PHACTR1: variants seen among roughly 807,000 people sequenced by gnomAD.
PHACTR1 encodes RPEL repeat containing 1.
A neutral mutation model predicts 69.2 loss-of-function variants in PHACTR1; 16 were observed. That is an observed-to-expected ratio of 0.23 (90% CI 0.16 to 0.35). The LOEUF (loss-of-function observed/expected upper bound fraction) is 0.35. Ranked by LOEUF, PHACTR1 falls within the 10% of genes least tolerant of loss-of-function variation. The pLI is 1.00. For synonymous variants in PHACTR1, 312 were observed against 284.5 expected, an observed-to-expected ratio of 1.10 and a Z score of -0.97; for missense variants, 510 against 734.7, an observed-to-expected ratio of 0.69 and a Z score of 3.54.
chr6:13,230,101 C>T lies in PHACTR1; in HGVS notation c.1299C>T (p.Ser433=), dbSNP rs746452662. 3.7e-6 allele frequency: 6 copies of T among 1,611,342 alleles called. No homozygotes were observed. The highest frequency in any genetic ancestry group is 5.1e-6 in the Non-Finnish European group (6 of 1,178,872). Residue 433 remains serine, a synonymous_variant, in exon 10 of 15, where the codon TCC becomes TCT. Transcript: ENST00000332995. Reference sequence around the variant, plus strand: ...CCATCAAACTCAGCAACAGGCCCTCCAAGCGAGAGCTGGAAGAAAAGAACA... The same window carrying T: ...CCATCAAACTCAGCAACAGGCCCTCTAAGCGAGAGCTGGAAGAAAAGAACA... ...SLAIKLSNRP[S]KRELEEKNIL...
At chr6:13,084,927 A>G (rs1418885643) in intron 5 of PHACTR1, among the ~76,000 whole-genome samples, 1 of 152,142 alleles carries the variant, frequency 6.6e-6, no homozygotes. Flanking sequence ...TTATCATTCT[A>G]ATAGAAAGTA....
intron 4 of PHACTR1, among the ~76,000 whole-genome samples, chr6:13,039,018 T>C (rs1208662290): frequency 6.6e-6 from 1 of 152,198 alleles, no homozygotes; most frequent in African/African-American, 2.4e-5. Flanking sequence ...ATCTCATTGG[T>C]AAAAGCTATA....
rs769036987 is a variant in PHACTR1, at chr6:13,278,255, A to T, written c.1448-13A>T. The T allele has an allele frequency of 1.9e-6, 3 of 1,572,482 alleles. No homozygotes were observed. The Admixed American group carries it at 5.6e-5, about 29-fold the overall frequency. ...TTACTGAAATAAAAAAACATCTTAA[A>T]TATTTTTTTTAGCTCGGAATGAACA... On this transcript the variant is annotated splice_polypyrimidine_tract_variant and intron_variant, in intron 11 of 14. Coordinates refer to ENST00000332995, the MANE Select transcript of PHACTR1 (RefSeq NM_030948.6).
intron 10 of PHACTR1, among the ~76,000 whole-genome samples, chr6:13,232,704 G>C (rs975309658): frequency 1.3e-5 from 2 of 151,960 alleles, no homozygotes; most frequent in Non-Finnish European, 2.9e-5. Context: ...AATGATCCTG[G>C]CTTCCCCAAT....
chr6:12,970,338 A>AT (rs1028710362), intron 4 of PHACTR1, among the ~76,000 whole-genome samples: 1 of 152,240 alleles, frequency 6.6e-6, no homozygotes, highest in African/African-American at 2.4e-5. Flanking sequence ...ATAGAAAAGA[A>AT]TGTGTCCCTG....
chr6:13,067,123 A>G (rs1808768712), intron 5 of PHACTR1, among the ~76,000 whole-genome samples: 1 of 152,214 alleles, frequency 6.6e-6, no homozygotes, highest in Admixed American at 6.5e-5. Flanking sequence ...TGACAACAGC[A>G]GGAGCAATCT....
chr6:12,726,569 C>T (rs572735221), intron 3 of PHACTR1, among the ~76,000 whole-genome samples: 1 of 152,336 alleles, frequency 6.6e-6, no homozygotes, highest in Non-Finnish European at 1.5e-5. Context: ...TGGAAACACA[C>T]ACGTTGAGAA....
At chr6:13,200,129 T>C (rs1462409350) in intron 7 of PHACTR1, among the ~76,000 whole-genome samples, 1 of 152,232 alleles carries the variant, frequency 6.6e-6, no homozygotes, top group African/African-American at 2.4e-5. Flanking sequence ...GCAGTATCCC[T>C]GCCTCAGGCA....
chr6:13,229,805 A>G (rs1770516581), intron 9 of PHACTR1, among the ~76,000 whole-genome samples: 2 of 152,172 alleles, frequency 1.3e-5, no homozygotes, highest in Non-Finnish European at 2.9e-5. Flanking sequence ...ACATTCCTGG[A>G]GAGCAGAGAC....
rs1329471968 is a variant in PHACTR1, at chr6:13,206,003, C to T, written c.853C>T (p.His285Tyr). ...HHTVLPSQIQ[H>Y]QLQYGSHGQH... ...CACTGTCCTGCCCTCCCAGATCCAG[C>T]ACCAGCTGCAGTACGGCAGCCACGG... The change falls in exon 8 of 15, where the codon CAC becomes TAC. Residue 285 changes from histidine to tyrosine, a missense_variant. By Grantham distance (83) the His-to-Tyr change is moderately conservative. This residue lies in a region of PHACTR1 where 419 missense variants were observed against 530.9 expected (regional missense o/e 0.79). Coordinates refer to ENST00000332995, the MANE Select transcript of PHACTR1 (RefSeq NM_030948.6). 1.2e-6 allele frequency: 2 copies of T among 1,614,024 alleles called. No individual in the cohort carries two copies. The highest frequency in any genetic ancestry group is 2.2e-5 in the South Asian group (2 of 91,088).
chr6:12,966,607 T>C (rs1793532206), intron 4 of PHACTR1, among the ~76,000 whole-genome samples: 1 of 152,264 alleles, frequency 6.6e-6, no homozygotes, highest in Non-Finnish European at 1.5e-5. Flanking sequence ...TCTACCTTCA[T>C]GTTTTTGTTC....
At chr6:12,817,922 C>T (rs997717887) in intron 4 of PHACTR1, among the ~76,000 whole-genome samples, 7 of 151,240 alleles carry the variant, frequency 4.6e-5, no homozygotes, top group Non-Finnish European at 4.4e-5. Context: ...CTCCCGGGTT[C>T]ACACCATTCT....
intron 5 of PHACTR1, among the ~76,000 whole-genome samples, chr6:13,132,282 G>A (rs1453146607): frequency 6.6e-6 from 1 of 152,018 alleles, no homozygotes; most frequent in African/African-American, 2.4e-5. Flanking sequence ...CAGTTCCAGC[G>A]CAAGTCTCAC....
chr6:13,166,421 C>T (rs955231659), intron 6 of PHACTR1, among the ~76,000 whole-genome samples: 1 of 152,076 alleles, frequency 6.6e-6, no homozygotes, highest in African/African-American at 2.4e-5. Context: ...CCTGTTGTAG[C>T]CCAAGTGTCT....
chr6:13,046,761 A>C (rs1805124496), intron 4 of PHACTR1, among the ~76,000 whole-genome samples: 1 of 151,976 alleles, frequency 6.6e-6, no homozygotes, highest in South Asian at 2.1e-4. Flanking sequence ...ATTCCTAATG[A>C]AACCAGGTAG....
chr6:12,787,204 C>A (rs906558562), intron 4 of PHACTR1, among the ~76,000 whole-genome samples: 1 of 152,174 alleles, frequency 6.6e-6, no homozygotes, highest in Non-Finnish European at 1.5e-5. Context: ...GGCTGCTAAC[C>A]TTTAATGCCA....
Position 13,177,172 on chromosome 6 carries a change from TAAAAAAAAAAAA to T in PHACTR1, c.497-5327_497-5316del, listed in dbSNP as rs530741132. Among the ~76,000 whole-genome samples, 34 of 63,380 alleles carry T rather than the reference TAAAAAAAAAAAA, an allele frequency of 5.4e-4. 1 individual carries two copies. The highest frequency in any genetic ancestry group is 6.3e-4 in the Non-Finnish European group (25 of 39,500). The allele number at this position is 63,380 out of a possible 152,430, so 41.6% of individuals were successfully genotyped here. On this transcript the variant is annotated intron_variant, in intron 6 of 14. Transcript: ENST00000332995. ...TGGCAAAATAGCAAGACCCCATCTC[TAAAAAAAAAAAA>T]AAAAAAAAAAAAAAAAAAATCCAGG...
chr6:13,012,717 T>C (rs1799580365), intron 4 of PHACTR1, among the ~76,000 whole-genome samples: 1 of 152,266 alleles, frequency 6.6e-6, no homozygotes, highest in African/African-American at 2.4e-5. Context: ...GTGATTGTGA[T>C]ATAGGGCTTC....
intron 4 of PHACTR1, among the ~76,000 whole-genome samples, chr6:12,970,948 A>C (rs1241492595): frequency 6.6e-6 from 1 of 152,238 alleles, no homozygotes; most frequent in East Asian, 1.9e-4. Flanking sequence ...CTGACCAAAA[A>C]CAATCATCAT....
Sources: allele counts gnomAD v4.1 joint callset (sites outside exome capture counted in the v4.1 genomes callset), GRCh38; gene constraint gnomAD v4.1.1; regional missense constraint gnomAD v4.1.1; transcripts MANE v1.5; gene names NCBI Gene and HGNC (gene_info 2026-07-23, HGNC 2026-07-21).